Variants in SLC8A1 observed in about 807,000 individuals in gnomAD.
The protein encoded by SLC8A1 is solute carrier family 8 member A1.
Under a neutral mutation model 68.3 loss-of-function variants are expected in SLC8A1, and 18 were observed. The observed-to-expected ratio is 0.26, with a 90% confidence interval of 0.18 to 0.39. SLC8A1 has a LOEUF of 0.39. SLC8A1 is among the 10% of genes least tolerant of loss of function. SLC8A1 has a pLI of 1.00. For missense variants in SLC8A1, 985 were observed against 1,156.7 expected (o/e 0.85, Z 2.15); for synonymous variants, 475 against 415.5 (o/e 1.14, Z -1.74).
intron 2 of SLC8A1, among the ~76,000 whole-genome samples, chr2:40,342,232 A>T (rs1437831971): frequency 6.6e-6 from 1 of 152,148 alleles, no homozygotes; most frequent in Non-Finnish European, 1.5e-5. Flanking sequence ...TAACACTGCA[A>T]TCTTATTCTA....
At chr2:40,176,597 CTTGA>C (rs1296456675) in intron 3 of SLC8A1, among the ~76,000 whole-genome samples, 1 of 152,164 alleles carries the variant, frequency 6.6e-6, no homozygotes, top group Non-Finnish European at 1.5e-5. Flanking sequence ...CCATCTTGAA[CTTGA>C]TTAACACAGA....
intron 2 of SLC8A1, among the ~76,000 whole-genome samples, chr2:40,236,036 G>T (rs2060318708): frequency 6.6e-6 from 1 of 151,998 alleles, no homozygotes; most frequent in Non-Finnish European, 1.5e-5. Flanking sequence ...GGTCAATTTT[G>T]GAAGAGGTGT....
rs114052598 is a variant in SLC8A1, at chr2:40,215,323, G to A, written c.1809-37468C>T. 8.8e-3 allele frequency among the ~76,000 whole-genome samples: 1,341 copies of A among 152,050 alleles called. 21 individuals carry two copies. The highest frequency in any genetic ancestry group is 0.03 in the African/African-American group (1,258 of 41,450). ...CGGGTCTAAAGGTACACACTGCTAT[G>A]CCCAACTAATTTTTTAAAAAATGTT... On this transcript the variant is annotated intron_variant, in intron 2 of 7. Coordinates refer to ENST00000406785, the Ensembl canonical transcript of SLC8A1.
At chr2:40,147,671 A>T (rs1329920552) in intron 6 of SLC8A1, among the ~76,000 whole-genome samples, 3 of 152,196 alleles carry the variant, frequency 2.0e-5, no homozygotes, top group Non-Finnish European at 1.5e-5. Flanking sequence ...GGGCAGTGAT[A>T]ACCCTATAAT....
chr2:40,333,747 C>T (rs1025490369), intron 2 of SLC8A1, among the ~76,000 whole-genome samples: 17 of 152,162 alleles, frequency 1.1e-4, no homozygotes, highest in Admixed American at 5.9e-4. Flanking sequence ...CAGTAATCAT[C>T]ACACAAAAAA....
chr2:40,331,679 T>A (rs1356033015), intron 2 of SLC8A1, among the ~76,000 whole-genome samples: 2 of 151,962 alleles, frequency 1.3e-5, no homozygotes, highest in African/African-American at 2.4e-5. Context: ...CTGCAACCTC[T>A]GCCTCCCGGG....
rs1666051987 is a variant in SLC8A1, at chr2:40,336,580, A to T, written c.1808+91893T>A. On this transcript the variant is annotated intron_variant, in intron 2 of 7. Coordinates refer to ENST00000406785, the Ensembl canonical transcript of SLC8A1. Reference sequence around the variant, plus strand: ...TCCCTTAGGGAAGTTATCTAAACTGACCTTTTCCCCTGGGAATCCTCCAGT... The same window carrying T: ...TCCCTTAGGGAAGTTATCTAAACTGTCCTTTTCCCCTGGGAATCCTCCAGT... Among the ~76,000 whole-genome samples the T allele has an allele frequency of 2.0e-5, 3 of 152,100 alleles. No homozygotes were observed. The South Asian group carries it at 6.2e-4, about 32-fold the overall frequency.
chr2:40,402,542 G>C (rs1324046901), intron 2 of SLC8A1, among the ~76,000 whole-genome samples: 2 of 152,076 alleles, frequency 1.3e-5, no homozygotes, highest in Non-Finnish European at 2.9e-5. Flanking sequence ...CCTCTCTTGG[G>C]GTCTGGATTA....
chr2:40,173,278 GA>G (rs1048767083), intron 4 of SLC8A1, among the ~76,000 whole-genome samples: 1 of 152,128 alleles, frequency 6.6e-6, no homozygotes, highest in Non-Finnish European at 1.5e-5. Flanking sequence ...TGAGAAAAAG[GA>G]GATAAAAGTT....
At position 40,227,571 on chromosome 2, in the gene SLC8A1, G is replaced by A. The variant is rs867331017; in HGVS notation, c.1809-49716C>T. ...ACATACTGGGGTCTTTTGGAGGGTGGGAAGAGGGAGAGCATCAGGAAAAAA... is the reference window on the plus strand; with the variant it reads ...ACATACTGGGGTCTTTTGGAGGGTGAGAAGAGGGAGAGCATCAGGAAAAAA... On this transcript the variant is annotated intron_variant, in intron 2 of 7. Transcript: ENST00000406785. 2.0e-5 allele frequency among the ~76,000 whole-genome samples: 3 copies of A among 151,926 alleles called. No individual in the cohort carries two copies. The East Asian group carries it at 5.8e-4, about 29-fold the overall frequency.
chr2:40,506,384 G>A (rs1045845099), intron 1 of SLC8A1, among the ~76,000 whole-genome samples: 7 of 151,890 alleles, frequency 4.6e-5, no homozygotes, highest in African/African-American at 1.7e-4. Context: ...TATCTATTTA[G>A]TCTGTGTTCC....
chr2:40,313,522 G>A (rs1490619983), intron 2 of SLC8A1, among the ~76,000 whole-genome samples: 1 of 152,024 alleles, frequency 6.6e-6, no homozygotes, highest in Non-Finnish European at 1.5e-5. Flanking sequence ...CCAACCAGCA[G>A]TGTAGTTGAG....
intron 2 of SLC8A1, among the ~76,000 whole-genome samples, chr2:40,263,632 GCCATTTAT>G (rs2064990980): frequency 6.6e-6 from 1 of 152,086 alleles, no homozygotes; most frequent in Non-Finnish European, 1.5e-5. Flanking sequence ...AATGGTGCTA[GCCATTTAT>G]GGAAAACTGG....
exon 2 of SLC8A1, chr2:40,429,293 G>C (rs1230497801): frequency 6.2e-7 from 1 of 1,613,744 alleles, no homozygotes; most frequent in Non-Finnish European, 8.5e-7. Context: ...AGTTCCTTCA[G>C]AATCCTAGCC....
intron 2 of SLC8A1, among the ~76,000 whole-genome samples, chr2:40,291,138 T>C (rs1270076517): frequency 6.6e-6 from 1 of 152,224 alleles, no homozygotes. Context: ...TTCAGTCTTC[T>C]TATCACAATC....
At chr2:40,197,391 C>G (rs2053253198) in intron 2 of SLC8A1, among the ~76,000 whole-genome samples, 1 of 152,104 alleles carries the variant, frequency 6.6e-6, no homozygotes, top group African/African-American at 2.4e-5. Flanking sequence ...TAGCAAACCA[C>G]AAATGCCAAA....
intron 2 of SLC8A1, among the ~76,000 whole-genome samples, chr2:40,349,790 T>A (rs929284797): frequency 3.3e-5 from 5 of 152,180 alleles, no homozygotes; most frequent in Non-Finnish European, 7.3e-5. Flanking sequence ...CTTTTAATAT[T>A]AGAATTATAC....
In SLC8A1 at chr2:40,485,252, AC is replaced by A. The variant is rs548751817; in HGVS notation, c.-25+27096del. ...CAAATTAATGTGATTATTATATGGA[AC>A]CGGACATTCTGCTTTCTAAATTGGA... On this transcript the variant is annotated intron_variant, in intron 1 of 7. Coordinates refer to the SLC8A1 transcript ENST00000402441. Among the ~76,000 whole-genome samples, 544 of 152,276 alleles carry A rather than the reference AC, an allele frequency of 3.6e-3. 1 individual carries two copies. The highest frequency in any genetic ancestry group is 5.8e-3 in the South Asian group (28 of 4,820).
At chr2:40,330,925 G>T (rs529768688) in intron 2 of SLC8A1, among the ~76,000 whole-genome samples, 1 of 152,116 alleles carries the variant, frequency 6.6e-6, no homozygotes, top group South Asian at 2.1e-4. Flanking sequence ...CGAGTTACCT[G>T]CAAACCAGAG....
Sources: gnomAD v4.1 joint callset for allele counts (sites outside exome capture counted in the v4.1 genomes callset) on GRCh38, gnomAD v4.1.1 for gene constraint, MANE v1.5 for transcripts, NCBI Gene and HGNC (gene_info 2026-07-23, HGNC 2026-07-21) for gene names.